Variants in NBEA observed in about 807,000 individuals in gnomAD.
NBEA encodes neurobeachin, also known as lysosomal-trafficking regulator 2.
A neutral mutation model predicts 343.4 loss-of-function variants in NBEA; 44 were observed. The ratio of observed to expected loss-of-function variants is 0.13; its 90% CI spans 0.10 to 0.16. The LOEUF (loss-of-function observed/expected upper bound fraction) is 0.16. Among genes scored for constraint, NBEA ranks in the 10% least tolerant of loss-of-function variants. The pLI, the probability that NBEA is intolerant of heterozygous loss-of-function variation, is 1.00. For synonymous variants in NBEA, 1,175 were observed against 1,238.7 expected (o/e 0.95, Z 1.08); for missense variants, 2,555 against 3,631.3 (o/e 0.70, Z 7.62).
chr13:35,279,020 T>C (rs1300261692), intron 34 of NBEA, among the ~76,000 whole-genome samples: 1 of 152,166 alleles, frequency 6.6e-6, no homozygotes, highest in African/African-American at 2.4e-5. Context: ...TTAAAACTAT[T>C]TTTAGCTCAC....
At chr13:35,137,413 G>A (rs1196564049) in intron 17 of NBEA, among the ~76,000 whole-genome samples, 2 of 150,864 alleles carry the variant, frequency 1.3e-5, no homozygotes, top group Non-Finnish European at 2.9e-5. Flanking sequence ...TCACGCCACT[G>A]CACTCCAGCC....
chr13:35,148,256 G>A (rs1225036984), intron 18 of NBEA, among the ~76,000 whole-genome samples: 1 of 152,196 alleles, frequency 6.6e-6, no homozygotes, highest in Non-Finnish European at 1.5e-5. Flanking sequence ...AGAAAGAGTT[G>A]CATGCAAGGG....
chr13:35,299,303 G>A (rs538870421), intron 35 of NBEA, among the ~76,000 whole-genome samples: 1 of 151,926 alleles, frequency 6.6e-6, no homozygotes, highest in South Asian at 2.1e-4. Context: ...CTCTAAGGAC[G>A]GTTTATTTAA....
At chr13:35,542,141 G>A (rs2078858318) in intron 41 of NBEA, among the ~76,000 whole-genome samples, 2 of 105,310 alleles carry the variant, frequency 1.9e-5, no homozygotes, top group African/African-American at 7.5e-5. Context: ...CCAATTGTAG[G>A]ATGTTTTGAC....
rs148069557 is a variant in NBEA at position 35,146,613 on chromosome 13, A to C, written c.2445+4236A>C. Among the ~76,000 whole-genome samples the C allele has an allele frequency of 4.0e-3, 608 of 152,152 alleles. 2 individuals carry two copies. Among genetic ancestry groups the C allele is most frequent in the South Asian group, 6.6e-3 (32 of 4,822 alleles). ...CTGGTTGGGCTCCCTTGGCTGGGAC[A>C]GGTATTGCGCCTGTGTCACAGCTCC... is the stretch of plus-strand genomic sequence containing the variant. On this transcript the variant is annotated intron_variant, in intron 18 of 58. Coordinates refer to ENST00000379939, the MANE Select transcript of NBEA (RefSeq NM_001385012.1).
At chr13:35,031,750 A>G (rs1441726057) in intron 1 of NBEA, among the ~76,000 whole-genome samples, 2 of 151,486 alleles carry the variant, frequency 1.3e-5, no homozygotes, top group African/African-American at 4.8e-5. Flanking sequence ...TCGGTTATGT[A>G]TTAAGCCCAG....
intron 36 of NBEA, among the ~76,000 whole-genome samples, chr13:35,333,658 G>A (rs994359591): frequency 3.3e-5 from 5 of 151,250 alleles, no homozygotes; most frequent in Admixed American, 3.3e-4. Context: ...TAATTTTTTT[G>A]TACCATTAAC....
intron 41 of NBEA, among the ~76,000 whole-genome samples, chr13:35,548,361 G>A (rs1017370828): frequency 6.6e-6 from 1 of 152,042 alleles, no homozygotes; most frequent in Non-Finnish European, 1.5e-5. Context: ...CATGCTTAAT[G>A]GAAATAAATG....
At chr13:35,059,488 AT>A in intron 8 of NBEA, among the ~76,000 whole-genome samples, 1 of 152,036 alleles carries the variant, frequency 6.6e-6, no homozygotes, top group South Asian at 2.1e-4. Flanking sequence ...CTAGGGGAGT[AT>A]ATAAGGGTTC....
intron 49 of NBEA, among the ~76,000 whole-genome samples, chr13:35,640,404 G>A (rs568669568): frequency 6.6e-5 from 10 of 152,284 alleles, no homozygotes; most frequent in Admixed American, 6.5e-4. Context: ...AATTACAAAA[G>A]GCACTCCTTT....
intron 17 of NBEA, among the ~76,000 whole-genome samples, chr13:35,131,649 C>T (rs2067435980): frequency 6.6e-6 from 1 of 152,184 alleles, no homozygotes; most frequent in African/African-American, 2.4e-5. Flanking sequence ...AGCCTGCTTT[C>T]ACCACCCCTG....
intron 38 of NBEA, among the ~76,000 whole-genome samples, chr13:35,410,787 C>G (rs577234131): frequency 3.9e-5 from 6 of 152,226 alleles, no homozygotes; most frequent in African/African-American, 1.4e-4. Flanking sequence ...GGAGCCAAAT[C>G]AAGACTGCAT....
intron 27 of NBEA, among the ~76,000 whole-genome samples, chr13:35,176,626 C>T (rs893079341): frequency 6.6e-5 from 10 of 151,942 alleles, no homozygotes; most frequent in African/African-American, 2.4e-4. Context: ...ATAATAATCT[C>T]ATATATTATA....
intron 36 of NBEA, among the ~76,000 whole-genome samples, chr13:35,311,083 A>G (rs1164450538): frequency 1.3e-5 from 2 of 152,162 alleles, no homozygotes; most frequent in African/African-American, 4.8e-5. Context: ...CTGCAACACC[A>G]AAGTTGCAGG....
intron 18 of NBEA, among the ~76,000 whole-genome samples, chr13:35,151,492 G>T (rs1437494389): frequency 4.8e-5 from 7 of 147,188 alleles, no homozygotes; most frequent in Non-Finnish European, 1.0e-4. Context: ...GCGGTGAGCC[G>T]AGATTATGCC....
At chr13:35,210,077 T>A (rs2073664828) in intron 32 of NBEA, among the ~76,000 whole-genome samples, 1 of 152,092 alleles carries the variant, frequency 6.6e-6, no homozygotes, top group African/African-American at 2.4e-5. Context: ...ATGAATAAAG[T>A]CCTTATTCTT....
At chr13:35,048,095 A>G (rs1331204397) in intron 4 of NBEA, among the ~76,000 whole-genome samples, 1 of 151,660 alleles carries the variant, frequency 6.6e-6, no homozygotes, top group Non-Finnish European at 1.5e-5. Flanking sequence ...CATTATGAAC[A>G]TTATCTCTTA....
At chr13:35,293,467 A>G (rs1594103115) in intron 35 of NBEA, among the ~76,000 whole-genome samples, 1 of 152,064 alleles carries the variant, frequency 6.6e-6, no homozygotes, top group East Asian at 1.9e-4. Flanking sequence ...AATTGGTTTC[A>G]TATCATTTTG....
intron 10 of NBEA, among the ~76,000 whole-genome samples, chr13:35,097,332 G>A (rs1301996386): frequency 6.6e-6 from 1 of 151,724 alleles, no homozygotes; most frequent in Non-Finnish European, 1.5e-5. Flanking sequence ...TTTAAAATAT[G>A]TTTAGAAATT....
Sources: gnomAD v4.1 joint callset for allele counts (sites outside exome capture counted in the v4.1 genomes callset) on GRCh38, gnomAD v4.1.1 for gene constraint, MANE v1.5 for transcripts, NCBI Gene and HGNC (gene_info 2026-07-23, HGNC 2026-07-21) for gene names.